Variants in NBAS observed in about 807,000 individuals in gnomAD.
The protein encoded by NBAS is NBAS subunit of NRZ tethering complex, also known as NAG/BC035112 fusion.
NBAS carries 219 observed loss-of-function variants against 302.5 expected under a neutral mutation model. The observed-to-expected ratio is 0.72, with a 90% CI of 0.65 to 0.81. The LOEUF is 0.81. NBAS is among the 30% of genes least tolerant of loss of function. The pLI is 0.00. For synonymous variants in NBAS, 1,118 were observed against 1,021.6 expected, an observed-to-expected ratio of 1.09 and a Z score of -1.80; for missense variants, 2,932 against 2,841.6, an observed-to-expected ratio of 1.03 and a Z score of -0.72.
At chr2:15,042,037 G>A in the NBAS span, among the ~76,000 whole-genome samples, 125,116 of 152,184 alleles carry the variant, frequency 0.82, 51,783 homozygotes, top group East Asian at 0.99. Context: ...CTTTCAACAT[G>A]GACAATATTT....
chr2:15,234,832 T>C, intron 45 of NBAS, 85 bp from the exon 46 acceptor site: 1 of 1,344,978 alleles, frequency 7.4e-7, no homozygotes, highest in Non-Finnish European at 1.1e-6. Flanking sequence ...ATTTAGATCC[T>C]CGAACCAAAT....
At chr2:15,461,118 T>C (rs916331608) in intron 21 of NBAS, 83 bp downstream of exon 21, 30 of 1,238,998 alleles carry the variant, frequency 2.4e-5, no homozygotes, top group Non-Finnish European at 3.3e-5. Flanking sequence ...AAAATTATTT[T>C]TTTTAACTTT....
chr2:15,540,118 C>T (rs545967908), intron 6 of NBAS, among the ~76,000 whole-genome samples: 5 of 152,198 alleles, frequency 3.3e-5, no homozygotes, highest in South Asian at 2.1e-4. Flanking sequence ...TCGTTTGCTT[C>T]GGTTTCATCT....
intron 21 of NBAS, among the ~76,000 whole-genome samples, chr2:15,442,647 AAAATC>A: frequency 6.6e-6 from 1 of 151,916 alleles, no homozygotes; most frequent in Admixed American, 6.6e-5. Flanking sequence ...AGAAATAACT[AAAATC>A]AGAGCAGAAC....
At chr2:15,555,276 AAT>A (rs59852443) in intron 3 of NBAS, among the ~76,000 whole-genome samples, 11 of 151,980 alleles carry the variant, frequency 7.2e-5, no homozygotes, top group African/African-American at 2.7e-4. Flanking sequence ...AAAAAAAAAA[AAT>A]TAGTAATATA....
chr2:14,798,668 C>T, the NBAS span, among the ~76,000 whole-genome samples: 2 of 152,114 alleles, frequency 1.3e-5, no homozygotes, highest in South Asian at 2.1e-4. Context: ...TTTCCTTTAA[C>T]ATTTGCTACA....
intron 48 of NBAS, among the ~76,000 whole-genome samples, chr2:15,216,587 T>C (rs1298930509): frequency 6.6e-6 from 1 of 152,194 alleles, no homozygotes; most frequent in Non-Finnish European, 1.5e-5. Context: ...AACTAAAATC[T>C]CAAAAATATT....
chr2:15,155,483 C>T, the NBAS span, among the ~76,000 whole-genome samples: 1 of 152,126 alleles, frequency 6.6e-6, no homozygotes, highest in Non-Finnish European at 1.5e-5. Flanking sequence ...TAGAAGTTTC[C>T]AAGACCACCA....
At chr2:14,956,461 C>A in the NBAS span, among the ~76,000 whole-genome samples, 39 of 152,276 alleles carry the variant, frequency 2.6e-4, no homozygotes, top group Non-Finnish European at 4.3e-4. Flanking sequence ...CCTTATAGAA[C>A]CCCACGCTCT....
At chr2:14,924,735 A>G in the NBAS span, among the ~76,000 whole-genome samples, 1 of 152,158 alleles carries the variant, frequency 6.6e-6, no homozygotes, top group African/African-American at 2.4e-5. Context: ...GGAGCCTTAT[A>G]GGAAAAGTTG....
intron 6 of NBAS, among the ~76,000 whole-genome samples, chr2:15,547,867 G>A (rs1005716311): frequency 7.2e-5 from 11 of 152,172 alleles, no homozygotes; most frequent in African/African-American, 2.7e-4. Flanking sequence ...TATTCAAAAA[G>A]GGCTAGAGCC....
At chr2:14,838,835 T>C in the NBAS span, among the ~76,000 whole-genome samples, 2 of 151,846 alleles carry the variant, frequency 1.3e-5, no homozygotes, top group Non-Finnish European at 2.9e-5. Flanking sequence ...AGGTCAAATA[T>C]GATTTTGAAA....
the NBAS span, among the ~76,000 whole-genome samples, chr2:15,128,906 G>T: frequency 1.3e-5 from 2 of 152,226 alleles, no homozygotes; most frequent in Admixed American, 1.3e-4. Context: ...AGGCACCAGG[G>T]CGTGGGCTTT....
intron 21 of NBAS, among the ~76,000 whole-genome samples, chr2:15,441,310 G>A (rs1235830413): frequency 7.9e-5 from 12 of 152,160 alleles, no homozygotes; most frequent in South Asian, 4.2e-4. Flanking sequence ...CGGATCTCTC[G>A]GCAGAAACTC....
At chr2:15,519,478 C>A (rs1396891685) in intron 9 of NBAS, among the ~76,000 whole-genome samples, 2 of 91,246 alleles carry the variant, frequency 2.2e-5, no homozygotes, top group Admixed American at 2.2e-4. Context: ...ACTCTGTCAC[C>A]CAAGCTGGAG....
chr2:15,127,950 C>T, the NBAS span, among the ~76,000 whole-genome samples: 3 of 152,164 alleles, frequency 2.0e-5, no homozygotes, highest in East Asian at 5.8e-4. Context: ...TTATATACAC[C>T]TTTCCAATTC....
the NBAS span, among the ~76,000 whole-genome samples, chr2:14,919,815 CTTCTAA>C: frequency 6.6e-6 from 1 of 152,208 alleles, no homozygotes; most frequent in Non-Finnish European, 1.5e-5. Context: ...TCAGGCTCCA[CTTCTAA>C]TTCTATTTTT....
chr2:14,874,892 AAAAC>A, the NBAS span, among the ~76,000 whole-genome samples: 1 of 152,140 alleles, frequency 6.6e-6, no homozygotes, highest in African/African-American at 2.4e-5. Flanking sequence ...AGAAACTAAA[AAAAC>A]AAAACTCATT....
the NBAS span, among the ~76,000 whole-genome samples, chr2:15,092,142 C>T: frequency 6.6e-6 from 1 of 152,088 alleles, no homozygotes; most frequent in South Asian, 2.1e-4. Flanking sequence ...TGAAATACAC[C>T]ACACTACTTC....
Sources: allele counts gnomAD v4.1 joint callset (sites outside exome capture counted in the v4.1 genomes callset), GRCh38; gene constraint gnomAD v4.1.1; transcripts MANE v1.5; gene names NCBI Gene and HGNC (gene_info 2026-07-23, HGNC 2026-07-21).